EPG5: variants seen among roughly 807,000 people sequenced by gnomAD.
The protein encoded by EPG5 is ectopic P granules protein 5 homolog.
EPG5 carries 159 observed loss-of-function variants against 302.7 expected under a neutral mutation model. The ratio of observed to expected loss-of-function variants is 0.53; its 90% CI spans 0.46 to 0.60. EPG5 has a LOEUF of 0.60. Among genes scored for constraint, EPG5 ranks in the 20% least tolerant of loss-of-function variants. EPG5 has a pLI of 0.00. For missense variants in EPG5, 2,896 were observed against 3,092.4 expected (o/e 0.94, Z 1.51); for synonymous variants, 1,158 against 1,136.8 (o/e 1.02, Z -0.37).
At position 45,905,438 on chromosome 18, in the gene EPG5, G is replaced by A. The variant is rs564452531; in HGVS notation, c.4330-1321C>T. Among the ~76,000 whole-genome samples, 16 of 152,258 alleles carry A rather than the reference G, an allele frequency of 1.1e-4. 1 individual carries two copies. The South Asian group carries it at 3.3e-3, about 32-fold the overall frequency. ...CCAAGGCATTCCAGACTCAGAGGAG[G>A]AGCTCCAATGTAATCCTGATCACAA... On this transcript the variant is annotated intron_variant, in intron 24 of 43. Transcript: ENST00000282041.
chr18:45,830,628 C>T, the EPG5 span, among the ~76,000 whole-genome samples: 68,204 of 141,596 alleles, frequency 0.48, 16,717 homozygotes, highest in East Asian at 0.57. Flanking sequence ...CTCTGTCACC[C>T]AGGCTGGAGT....
intron 13 of EPG5, among the ~76,000 whole-genome samples, chr18:45,926,606 C>A (rs957425285): frequency 2.6e-5 from 4 of 152,024 alleles, no homozygotes; most frequent in African/African-American, 9.7e-5. Flanking sequence ...GTGGACAGAT[C>A]ACCTGAGGTC....
chr18:45,870,483 A>T, intron 36 of EPG5, 84 bp downstream of exon 36: 1 of 1,251,012 alleles, frequency 8.0e-7, no homozygotes, highest in South Asian at 1.5e-5. Context: ...ACACACTGCC[A>T]CTATGCCTAA....
At chr18:45,810,513 G>C in the EPG5 span, among the ~76,000 whole-genome samples, 1 of 151,982 alleles carries the variant, frequency 6.6e-6, no homozygotes, top group Non-Finnish European at 1.5e-5. Context: ...AAGATAATCC[G>C]GCCGGGCTCA....
chr18:45,926,048 A>T, intron 13 of EPG5, 146 bp from the exon 14 acceptor site: 1 of 459,798 alleles, frequency 2.2e-6, no homozygotes, highest in Non-Finnish European at 3.6e-6. Context: ...AGTGAAATGG[A>T]AATCACGGAC....
chr18:45,924,617 A>C (rs2050231528), intron 14 of EPG5, among the ~76,000 whole-genome samples: 2 of 152,246 alleles, frequency 1.3e-5, no homozygotes, highest in African/African-American at 4.8e-5. Context: ...GAGGCAGAGA[A>C]GGTCTTTTAA....
chr18:45,825,891 G>A, the EPG5 span: 1,139 of 1,298,526 alleles, frequency 8.8e-4, 8 homozygotes, highest in Middle Eastern at 3.5e-3. Context: ...GAGCCTCCAG[G>A]CCTGTGGAGG....
chr18:45,959,823 C>T (rs1188500573), intron 1 of EPG5, among the ~76,000 whole-genome samples: 1 of 151,598 alleles, frequency 6.6e-6, no homozygotes, highest in African/African-American at 2.4e-5. Context: ...TTACTAAATA[C>T]AAAAAATTAG....
At chr18:45,913,961 A>C (rs746968775) in intron 20 of EPG5, 133 bp from the exon 21 acceptor site, 52 of 1,117,142 alleles carry the variant, frequency 4.7e-5, no homozygotes, top group Admixed American at 1.0e-4. Context: ...TTCTAAAATT[A>C]ACACCTTTTT....
intron 35 of EPG5, among the ~76,000 whole-genome samples, chr18:45,874,440 T>G (rs1180138201): frequency 6.6e-6 from 1 of 151,964 alleles, no homozygotes; most frequent in Non-Finnish European, 1.5e-5. Flanking sequence ...TAAAGACATA[T>G]CCAAGACTGG....
rs745672059 is a variant in EPG5 at position 45,943,248 on chromosome 18, G to A, written c.1856C>T (p.Ser619Leu). The A allele has an allele frequency of 6.2e-7, 1 of 1,614,090 alleles. No individual in the cohort carries two copies. The highest frequency in any genetic ancestry group is 8.5e-7 in the Non-Finnish European group (1 of 1,179,978). The change falls in exon 9 of 44, where the codon TCA (serine) becomes TTA (leucine). Residue 619 changes from serine (S) to leucine (L), a missense_variant. Coordinates refer to ENST00000282041, the MANE Select transcript of EPG5 (RefSeq NM_020964.3). Reference protein sequence around the residue: ...EMMKIFAFANSLVELLAVGLE... With the variant: ...EMMKIFAFANLLVELLAVGLE... Reference sequence around the variant, plus strand: ...CCCCACAGCCAGAAGTTCCACTAGTGAGTTGGCAAAGGCAAAAATTTTCAT... The same window carrying A: ...CCCCACAGCCAGAAGTTCCACTAGTAAGTTGGCAAAGGCAAAAATTTTCAT...
In EPG5 at chr18:45,951,217, A is replaced by T; in HGVS notation, c.1274T>A (p.Ile425Asn). 1 of 1,567,188 alleles carries T rather than the reference A, an allele frequency of 6.4e-7. No individual in the cohort carries two copies. Among genetic ancestry groups the T allele is most frequent in the East Asian group, 2.3e-5 (1 of 43,002 alleles). ...QGRASKQTES[I>N]PSDLCQLKEC... Reference sequence around the variant, plus strand: ...CTTTAGTTGACACAGATCAGAGGGAATGCTTTCTGTCTGCTTAGACGCTGT... The same window carrying T: ...CTTTAGTTGACACAGATCAGAGGGATTGCTTTCTGTCTGCTTAGACGCTGT... The change falls in exon 4 of 44, where the codon ATT becomes AAT. Residue 425 changes from isoleucine to asparagine, a missense_variant. Coordinates refer to ENST00000282041, the MANE Select transcript of EPG5 (RefSeq NM_020964.3).
chr18:45,826,334 C>T, the EPG5 span, among the ~76,000 whole-genome samples: 1 of 152,214 alleles, frequency 6.6e-6, no homozygotes, highest in African/African-American at 2.4e-5. Context: ...AGTCACTTAG[C>T]TCGGTGACTT....
chr18:45,827,677 A>C, the EPG5 span, among the ~76,000 whole-genome samples: 1 of 152,206 alleles, frequency 6.6e-6, no homozygotes, highest in Admixed American at 6.5e-5. Context: ...ACACTACATC[A>C]AAGGCCCCCA....
chr18:45,943,021 T>C, intron 9 of EPG5, 140 bp downstream of exon 9: 6 of 764,926 alleles, frequency 7.8e-6, no homozygotes, highest in East Asian at 5.0e-5. Flanking sequence ...ATCTTATAGA[T>C]GGTGAAGAAA....
At chr18:45,895,450 A>C (rs1392341652) in intron 27 of EPG5, among the ~76,000 whole-genome samples, 1 of 152,210 alleles carries the variant, frequency 6.6e-6, no homozygotes. Context: ...TCCAGAAAAA[A>C]AAATTTATGC....
intron 20 of EPG5, among the ~76,000 whole-genome samples, chr18:45,914,525 A>G (rs1471699605): frequency 6.6e-6 from 1 of 152,278 alleles, no homozygotes; most frequent in East Asian, 1.9e-4. Flanking sequence ...GATGATAATA[A>G]TAACAATGGC....
intron 38 of EPG5, 47 bp from the exon 39 acceptor site, chr18:45,865,806 G>C: frequency 6.3e-7 from 1 of 1,580,990 alleles, no homozygotes; most frequent in Non-Finnish European, 8.6e-7. Context: ...TCCAAGCAAG[G>C]AGTGTTAACT....
At position 45,894,314 on chromosome 18, in the gene EPG5, G is replaced by T. The variant is rs566593605; in HGVS notation, c.4810-4374C>A. Reference sequence around the variant, plus strand: ...ATCGCTACTAAAAATACAAAAATTAGCTGGGCACGGTGGCACCTGCCTGTA... The same window carrying T: ...ATCGCTACTAAAAATACAAAAATTATCTGGGCACGGTGGCACCTGCCTGTA... On this transcript the variant is annotated intron_variant, in intron 27 of 43. Coordinates refer to ENST00000282041, the MANE Select transcript of EPG5 (RefSeq NM_020964.3). Among the ~76,000 whole-genome samples, 21 of 152,148 alleles carry T rather than the reference G, an allele frequency of 1.4e-4. No individual in the cohort carries two copies. In the East Asian group the frequency reaches 4.1e-3, roughly 29 times the overall value.
Sources: gnomAD v4.1 joint callset for allele counts (sites outside exome capture counted in the v4.1 genomes callset) on GRCh38, gnomAD v4.1.1 for gene constraint, MANE v1.5 for transcripts, NCBI Gene and HGNC (gene_info 2026-07-23, HGNC 2026-07-21) for gene names.